PARPBP: variants seen among roughly 807,000 people sequenced by gnomAD.
The protein encoded by PARPBP is PCNA-interacting partner.
PARPBP carries 52 observed loss-of-function variants against 50.0 expected under a neutral mutation model. The observed-to-expected ratio is 1.04, with a 90% confidence interval of 0.83 to 1.31. The LOEUF is 1.31. Ranked by LOEUF, PARPBP falls within the 50% of genes most tolerant of loss-of-function variation. The probability of loss-of-function intolerance (pLI) is 0.00; values close to 1 mark genes in which losing one functional copy is unlikely to be tolerated. For missense variants in PARPBP, 697 were observed against 672.0 expected (o/e 1.04, Z -0.41); for synonymous variants, 244 against 232.1 (o/e 1.05, Z -0.47).
At chr12:102,150,513 C>T (rs922679538) in intron 3 of PARPBP, 1 of 323,698 alleles carries the variant, frequency 3.1e-6, no homozygotes, top group Middle Eastern at 1.1e-3. Flanking sequence ...TAAGTCAGGG[C>T]AATTTTGGGA....
Position 102,196,329 on chromosome 12 carries a change from A to C in PARPBP, c.*38A>C, listed in dbSNP as rs764663522. The stretch of plus-strand genomic sequence containing the variant: ...TATGCTTTAGGTTTATGTATCTATA[A>C]ACCATTCACCAAAGACATGCTTAAT... On this transcript the variant is annotated 3_prime_UTR_variant, in exon 11 of 11. Coordinates refer to ENST00000327680, the MANE Select transcript of PARPBP (RefSeq NM_017915.5). The C allele has an allele frequency of 7.8e-7, 1 of 1,281,696 alleles. No homozygotes were observed. Among genetic ancestry groups the C allele is most frequent in the Non-Finnish European group, 1.1e-6 (1 of 920,482 alleles). 79.4% of individuals were successfully genotyped at this position (1,281,696 alleles called of 1,614,324 possible).
At chr12:102,170,560 G>A (rs542355359) in intron 6 of PARPBP, among the ~76,000 whole-genome samples, 2 of 152,252 alleles carry the variant, frequency 1.3e-5, no homozygotes, top group African/African-American at 4.8e-5. Flanking sequence ...ATAAGCATAG[G>A]GTACTTGCCA....
At chr12:102,157,569 A>C (rs994174221) in intron 4 of PARPBP, among the ~76,000 whole-genome samples, 1 of 152,022 alleles carries the variant, frequency 6.6e-6, no homozygotes, top group East Asian at 1.9e-4. Context: ...ATTTTGGTTT[A>C]ATATTTCCTA....
chr12:102,143,900 G>C (rs1018684771), intron 2 of PARPBP, among the ~76,000 whole-genome samples: 2 of 152,120 alleles, frequency 1.3e-5, no homozygotes, highest in African/African-American at 4.8e-5. Flanking sequence ...TTGACTGTCA[G>C]ATTTGAAAAT....
chr12:102,131,892 T>C (rs1280001671), intron 2 of PARPBP, among the ~76,000 whole-genome samples: 1 of 152,112 alleles, frequency 6.6e-6, no homozygotes. Context: ...GGCACTTGGC[T>C]TAATACCGGG....
chr12:102,175,593 T>G lies in PARPBP; in HGVS notation c.932T>G (p.Leu311Trp). The change falls in exon 7 of 11, where the codon TTG (leucine) becomes TGG (tryptophan). Residue 311 changes from leucine to tryptophan, a missense_variant. Physicochemically the swap from Leu to Trp is moderately conservative, Grantham distance 61. Coordinates refer to ENST00000327680, the MANE Select transcript of PARPBP (RefSeq NM_017915.5). Reference protein sequence around the residue: ...AIEEVAQDLDLRIKNIINSQE... With the variant: ...AIEEVAQDLDWRIKNIINSQE... ...GAGGAAGTTGCTCAGGATTTGGATT[T>G]GAGGATTAAAAATATTATCAATTCT... The G allele has an allele frequency of 1.2e-6, 2 of 1,613,612 alleles. No homozygotes were observed. The highest frequency in any genetic ancestry group is 1.7e-6 in the Non-Finnish European group (2 of 1,179,584).
chr12:102,196,915 C>A lies in PARPBP; in HGVS notation c.*624C>A, dbSNP rs1891360889. 7.0e-7 allele frequency: 1 copy of A among 1,421,644 alleles called. No homozygotes were observed. Among genetic ancestry groups the A allele is most frequent in the Non-Finnish European group, 9.8e-7 (1 of 1,015,430 alleles). 88.1% of individuals were successfully genotyped at this position (1,421,644 alleles called of 1,614,324 possible). On this transcript the variant is annotated 3_prime_UTR_variant, in exon 11 of 11. Transcript: ENST00000327680. ...GATTGCATCCAAATTCACTTTAACT[C>A]AGAGTTCTGTTTAATGGTGGTAGGA... is the stretch of plus-strand genomic sequence containing the variant.
chr12:102,136,254 A>G (rs532122959), intron 2 of PARPBP, among the ~76,000 whole-genome samples: 10 of 152,372 alleles, frequency 6.6e-5, no homozygotes, highest in African/African-American at 2.4e-4. Flanking sequence ...TATTGAATAA[A>G]TAGACTAGCT....
rs557707455 is a variant in PARPBP, at chr12:102,129,389, C to T, written c.153+5348C>T. On this transcript the variant is annotated intron_variant, in intron 2 of 10. Coordinates refer to ENST00000327680, the MANE Select transcript of PARPBP (RefSeq NM_017915.5). ...GATACATGATTTGGATATATTTTCTCCCATTCCATAGGTTGTCTCTTCACT... is the reference window on the plus strand; with the variant it reads ...GATACATGATTTGGATATATTTTCTTCCATTCCATAGGTTGTCTCTTCACT... Among the ~76,000 whole-genome samples the T allele has an allele frequency of 8.5e-5, 13 of 152,142 alleles. No individual in the cohort carries two copies. The South Asian group carries it at 2.7e-3, about 32-fold the overall frequency.
rs150912325 is a variant in PARPBP, at chr12:102,137,975, G to C, written c.154-10255G>C. ...TGTCGCAATAAACATACGTGTGCGT[G>C]TGTCTTCGTAGCAGTATGATTTATA... On this transcript the variant is annotated intron_variant, in intron 2 of 10. Transcript: ENST00000327680. Among the ~76,000 whole-genome samples, 330 of 152,318 alleles carry C rather than the reference G, an allele frequency of 2.2e-3. 9 individuals carry two copies. In the East Asian group the frequency reaches 0.056, roughly 26 times the overall value.
At chr12:102,150,362 C>T (rs959976648) in intron 3 of PARPBP, 7 of 430,454 alleles carry the variant, frequency 1.6e-5, no homozygotes, top group Middle Eastern at 7.4e-4. Context: ...TGCTGAAAGT[C>T]TCTTTCAAGG....
intron 4 of PARPBP, among the ~76,000 whole-genome samples, chr12:102,163,434 T>G (rs1261619317): frequency 6.6e-6 from 1 of 152,214 alleles, no homozygotes. Context: ...TTCATTTTGT[T>G]TGGTTTTCCT....
intron 2 of PARPBP, among the ~76,000 whole-genome samples, chr12:102,138,493 G>A (rs1299153129): frequency 6.6e-6 from 1 of 152,158 alleles, no homozygotes; most frequent in African/African-American, 2.4e-5. Flanking sequence ...TTGCTGTGCA[G>A]AAGCTCTTTA....
At chr12:102,174,390 T>C (rs1243414365) in intron 6 of PARPBP, among the ~76,000 whole-genome samples, 1 of 152,238 alleles carries the variant, frequency 6.6e-6, no homozygotes, top group Non-Finnish European at 1.5e-5. Flanking sequence ...GCTACTTAAA[T>C]GTGGACATTC....
At chr12:102,150,368 C>A in intron 3 of PARPBP, 1 of 426,356 alleles carries the variant, frequency 2.3e-6, no homozygotes, top group Admixed American at 2.6e-5. Context: ...AAGTCTCTTT[C>A]AAGGTACATA....
intron 4 of PARPBP, among the ~76,000 whole-genome samples, chr12:102,161,784 C>T (rs1186298439): frequency 6.6e-6 from 1 of 151,934 alleles, no homozygotes; most frequent in Non-Finnish European, 1.5e-5. Flanking sequence ...GAAAAGTATG[C>T]AGAGAATTAT....
chr12:102,181,901 C>T (rs1319709109), intron 8 of PARPBP, among the ~76,000 whole-genome samples: 1 of 152,106 alleles, frequency 6.6e-6, no homozygotes, highest in Non-Finnish European at 1.5e-5. Flanking sequence ...GCTGGGTTTT[C>T]ACGTGGCTGG....
intron 2 of PARPBP, among the ~76,000 whole-genome samples, chr12:102,127,894 T>G (rs183496235): frequency 6.6e-6 from 1 of 152,174 alleles, no homozygotes; most frequent in Non-Finnish European, 1.5e-5. Context: ...TTAAAAAAAA[T>G]TAGTTTTTTA....
At chr12:102,146,120 G>A (rs1010056016) in intron 2 of PARPBP, among the ~76,000 whole-genome samples, 4 of 152,020 alleles carry the variant, frequency 2.6e-5, no homozygotes, top group African/African-American at 9.7e-5. Context: ...GAATCAATAT[G>A]GTGAAAATGG....
Sources: gnomAD v4.1 joint callset for allele counts (sites outside exome capture counted in the v4.1 genomes callset) on GRCh38, gnomAD v4.1.1 for gene constraint, MANE v1.5 for transcripts, NCBI Gene and HGNC (gene_info 2026-07-23, HGNC 2026-07-21) for gene names.